Variants in TBR1 observed in about 807,000 individuals in gnomAD.
TBR1 encodes T-box brain transcription factor 1.
Under a neutral mutation model 60.3 loss-of-function variants are expected in TBR1, and 7 were observed. That is an observed-to-expected ratio of 0.12 (90% CI 0.07 to 0.22). The LOEUF (loss-of-function observed/expected upper bound fraction) is 0.22. Ranked by LOEUF, TBR1 falls within the 10% of genes least tolerant of loss-of-function variation. The probability of loss-of-function intolerance (pLI) is 1.00; values close to 1 mark genes in which losing one functional copy is unlikely to be tolerated. For synonymous variants in TBR1, 417 were observed against 409.9 expected (o/e 1.02, Z -0.21); for missense variants, 616 against 936.8 (o/e 0.66, Z 4.47).
At position 161,423,695 on chromosome 2, in the gene TBR1, T is replaced by C; in HGVS notation, c.1517T>C (p.Phe506Ser). 1 of 1,539,454 alleles carries C rather than the reference T, an allele frequency of 6.5e-7. No homozygotes were observed. Among genetic ancestry groups the C allele is most frequent in the Non-Finnish European group, 8.7e-7 (1 of 1,152,528 alleles). Residue 506 changes from phenylalanine (F) to serine (S), a missense_variant, in exon 6 of 6, where the codon TTC becomes TCC. Around this residue, in one of 8 missense-constraint regions of TBR1, gnomAD observed 210 missense variants for 297.4 expected, o/e 0.71. Coordinates refer to ENST00000389554, the MANE Select transcript of TBR1 (RefSeq NM_006593.4). ...AASAYDTATDFAGNAATLLSY... is the reference protein window; with the variant it reads ...AASAYDTATDSAGNAATLLSY... Reference sequence around the variant, plus strand: ...TCGGCCTATGACACGGCCACGGACTTCGCGGGCAACGCGGCCACGCTGCTC... The same window carrying C: ...TCGGCCTATGACACGGCCACGGACTCCGCGGGCAACGCGGCCACGCTGCTC...
At chr2:161,419,269 T>C in intron 4 of TBR1, 1 of 600,214 alleles carries the variant, frequency 1.7e-6, no homozygotes, top group East Asian at 3.4e-5. Context: ...TTTTCGTCGC[T>C]GGTCACCCGG....
chr2:161,417,290 C>G lies in TBR1; in HGVS notation c.692+188C>G, dbSNP rs909220572. The stretch of plus-strand genomic sequence containing the variant: ...CAGGGTGATGTTGGTGGGGGGGACC[C>G]CGTTCTAGGAACATAGTGGGAGAGC... On this transcript the variant is annotated intron_variant, in intron 1 of 5. Coordinates refer to ENST00000389554, the MANE Select transcript of TBR1 (RefSeq NM_006593.4). This position sits in a 1 kb window ranked among gnomAD's most constrained non-coding sequence, Gnocchi z 5.3. 1 of 642,992 alleles carries G rather than the reference C, an allele frequency of 1.6e-6. No individual in the cohort carries two copies. The highest frequency in any genetic ancestry group is 1.8e-5 in the African/African-American group (1 of 54,518). The allele number at this position is 642,992 out of a possible 1,614,324, so 39.8% of individuals were successfully genotyped here.
Position 161,424,516 on chromosome 2 carries a change from C to T in TBR1, c.*289C>T. 1 of 368,556 alleles carries T rather than the reference C, an allele frequency of 2.7e-6. No individual in the cohort carries two copies. Among genetic ancestry groups the T allele is most frequent in the Non-Finnish European group, 4.9e-6 (1 of 202,668 alleles). 22.8% of individuals were successfully genotyped at this position (368,556 alleles called of 1,614,324 possible). A position where few individuals can be genotyped will look rare whatever the true frequency, so the allele number is the denominator to read the frequency against. On this transcript the variant is annotated 3_prime_UTR_variant, in exon 6 of 6. Coordinates refer to ENST00000389554, the MANE Select transcript of TBR1 (RefSeq NM_006593.4). The surrounding 1 kb of genome is among the most constrained non-coding windows in gnomAD (Gnocchi z 4.4). Reference sequence around the variant, plus strand: ...ATCCTCCTACAATTCCCCTCCCCCTCGTCTTTCTCTTACCTCCTACTTCTC... The same window carrying T: ...ATCCTCCTACAATTCCCCTCCCCCTTGTCTTTCTCTTACCTCCTACTTCTC...
At chr2:161,419,965 C>A in intron 4 of TBR1, 1 of 312,936 alleles carries the variant, frequency 3.2e-6, no homozygotes, top group South Asian at 7.8e-5. Context: ...TAATTGAAAG[C>A]AGTTCTTTGG....
intron 2 of TBR1, 105 bp from the exon 3 acceptor site, chr2:161,418,096 A>ATGTG (rs78592009): frequency 0.092 from 128,119 of 1,392,658 alleles, 1,142 homozygotes; most frequent in East Asian, 0.25. Flanking sequence ...AGGTGTGTGT[A>ATGTG]TGTGTGTGTG....
chr2:161,424,385 C>A lies in TBR1; in HGVS notation c.*158C>A. The A allele has an allele frequency of 7.1e-6, 6 of 844,170 alleles. No individual in the cohort carries two copies. The highest frequency in any genetic ancestry group is 1.1e-5 in the Non-Finnish European group (6 of 556,724). 52.3% of individuals were successfully genotyped at this position (844,170 alleles called of 1,614,324 possible). On this transcript the variant is annotated 3_prime_UTR_variant, in exon 6 of 6. Coordinates refer to ENST00000389554, the MANE Select transcript of TBR1 (RefSeq NM_006593.4). The surrounding 1 kb of genome is among the most constrained non-coding windows in gnomAD (Gnocchi z 4.4). ...CAGCGAATAAGTGCAGGTCTCCGAGCGTGATTTTAACCTTTTTTGCACAGC... is the reference window on the plus strand; with the variant it reads ...CAGCGAATAAGTGCAGGTCTCCGAGAGTGATTTTAACCTTTTTTGCACAGC...
intron 5 of TBR1, 126 bp from the exon 6 acceptor site, chr2:161,423,243 G>A: frequency 1.6e-6 from 1 of 631,678 alleles, no homozygotes; most frequent in Non-Finnish European, 2.6e-6. Context: ...TGGACTGCAA[G>A]TTTGTAGATG....
At chr2:161,419,692 T>C (rs1684196907) in intron 4 of TBR1, 1 of 152,412 alleles carries the variant, frequency 6.6e-6, no homozygotes, top group African/African-American at 2.4e-5. Context: ...GGTTTTTGTG[T>C]TTGTTTCTTT....
At chr2:161,419,191 T>C in intron 4 of TBR1, 141 bp downstream of exon 4, 1 of 1,285,216 alleles carries the variant, frequency 7.8e-7, no homozygotes, top group East Asian at 2.6e-5. Flanking sequence ...TTTTAAGGCT[T>C]AGGGCTCGGG....
In TBR1 at chr2:161,420,261, A is replaced by C; in HGVS notation, c.1190+4A>C. ...GATTTCGGGATAATTATGACACGTA[A>C]GTAACTTTGTATCTTCCTTTTCAAA... On this transcript the variant is annotated splice_donor_region_variant and intron_variant, in intron 5 of 5. Transcript: ENST00000389554. 1 of 1,612,112 alleles carries C rather than the reference A, an allele frequency of 6.2e-7. No individual in the cohort carries two copies. The highest frequency in any genetic ancestry group is 8.5e-7 in the Non-Finnish European group (1 of 1,178,478).
intron 5 of TBR1, 33 bp downstream of exon 5, chr2:161,420,290 C>A: frequency 6.3e-7 from 1 of 1,582,618 alleles, no homozygotes; most frequent in Non-Finnish European, 8.7e-7. Context: ...TTTCAAATAG[C>A]TGTGGAATTG....
rs369288373 is a variant in TBR1, at chr2:161,419,096, C to T, written c.1128+46C>T. ...GGGGCGAGGCGGGCGGCACAGACAT[C>T]TCTCCCACCCTCTCACATTCTCCCG... On this transcript the variant is annotated intron_variant, in intron 4 of 5. Transcript: ENST00000389554. The T allele has an allele frequency of 5.6e-5, 90 of 1,611,062 alleles. No individual in the cohort carries two copies. The African/African-American group carries it at 1.0e-3, about 19-fold the overall frequency.
intron 5 of TBR1, chr2:161,421,370 C>T (rs1486840041): frequency 6.6e-6 from 1 of 152,224 alleles, no homozygotes; most frequent in African/African-American, 2.4e-5. Flanking sequence ...ATATTACTGC[C>T]TATAACCACC....
intron 5 of TBR1, 68 bp from the exon 6 acceptor site, chr2:161,423,301 C>T (rs1684260908): frequency 9.2e-7 from 1 of 1,092,818 alleles, no homozygotes; most frequent in East Asian, 3.0e-5. Flanking sequence ...CCCTTCTGCC[C>T]CCACCCCCAC....
At chr2:161,418,354 T>C in intron 3 of TBR1, 32 bp downstream of exon 3, 1 of 1,603,466 alleles carries the variant, frequency 6.2e-7, no homozygotes, top group Non-Finnish European at 8.5e-7. Flanking sequence ...GTTTTCTCTC[T>C]CTCTCACCCC....
chr2:161,420,567 G>C (rs779752377), intron 5 of TBR1: 59 of 190,554 alleles, frequency 3.1e-4, no homozygotes, highest in Admixed American at 6.7e-4. Flanking sequence ...CTCTGGGGCT[G>C]GCTGGCTGGC....
Position 161,418,229 on chromosome 2 carries a change from C to A in TBR1, c.876C>A (p.Ser292=), listed in dbSNP as rs939804207. 6.2e-7 allele frequency: 1 copy of A among 1,613,788 alleles called. No individual in the cohort carries two copies. Among genetic ancestry groups the A allele is most frequent in the African/African-American group, 1.3e-5 (1 of 74,918 alleles). Residue 292 remains serine, a synonymous_variant, in exon 3 of 6, where the codon TCC becomes TCA. Coordinates refer to ENST00000389554, the MANE Select transcript of TBR1 (RefSeq NM_006593.4). ...QGNRVYMHPD[S]PNTGAHWMRQ... The stretch of plus-strand genomic sequence containing the variant: ...ATCGGGTCTATATGCATCCGGATTC[C>A]CCCAACACTGGGGCTCACTGGATGC...
chr2:161,423,345 T>G (rs1418620703), intron 5 of TBR1, 24 bp from the exon 6 acceptor site: 1 of 997,612 alleles, frequency 1.0e-6, no homozygotes, highest in Non-Finnish European at 1.3e-6. Context: ...CTCGGCTCTC[T>G]CTCTCTCTCT....
At position 161,416,493 on chromosome 2, in the gene TBR1, G is replaced by A; in HGVS notation, c.83G>A (p.Gly28Asp). The A allele has an allele frequency of 4.3e-6, 7 of 1,614,058 alleles. No homozygotes were observed. Among genetic ancestry groups the A allele is most frequent in the Non-Finnish European group, 5.9e-6 (7 of 1,180,000 alleles). The change falls in exon 1 of 6, where the codon GGC becomes GAC. Residue 28 changes from glycine (G) to aspartate (D), a missense_variant. This residue lies in a region of TBR1 where 211 missense variants were observed against 268.7 expected (regional missense o/e 0.79). Coordinates refer to ENST00000389554, the MANE Select transcript of TBR1 (RefSeq NM_006593.4). This position sits in a 1 kb window ranked among gnomAD's most constrained non-coding sequence, Gnocchi z 6.1. ...LNVSSSYPHS[G>D]GSELVLHDHP... ...GTGAGCAGCAGCTACCCACATTCAG[G>A]CGGATCCGAGCTTGTCTTGCACGAT...
Sources: gnomAD v4.1 joint callset for allele counts on GRCh38, gnomAD v4.1.1 for gene constraint, gnomAD v4.1.1 regional missense constraint, Gnocchi (gnomAD v3.1) non-coding constraint, MANE v1.5 for transcripts, NCBI Gene and HGNC (gene_info 2026-07-23, HGNC 2026-07-21) for gene names.